Variants in SMAD4 observed in about 807,000 individuals in gnomAD.
SMAD4 encodes the protein MAD homolog 4.
A neutral mutation model predicts 63.2 loss-of-function variants in SMAD4; 7 were observed. That is an observed-to-expected ratio of 0.11 (90% CI 0.06 to 0.21). The LOEUF (loss-of-function observed/expected upper bound fraction) is 0.21, where lower values mean the gene tolerates loss of function less well. Among genes scored for constraint, SMAD4 ranks in the 10% least tolerant of loss-of-function variants. The pLI, the probability that SMAD4 is intolerant of heterozygous loss-of-function variation, is 1.00. For synonymous variants in SMAD4, 215 were observed against 235.4 expected (o/e 0.91, Z 0.79); for missense variants, 312 against 693.8 (o/e 0.45, Z 6.18).
At chr18:51,078,207 G>A (rs375313666) in intron 11 of SMAD4, 49 bp from the exon 12 acceptor site, 1 of 1,436,574 alleles carries the variant, frequency 7.0e-7, no homozygotes, top group Non-Finnish European at 9.8e-7. Flanking sequence ...AGGGAGGATG[G>A]GAAGAGATCA....
chr18:51,034,371 C>T (rs983509383), intron 1 of SMAD4, among the ~76,000 whole-genome samples: 4 of 152,072 alleles, frequency 2.6e-5, no homozygotes, highest in South Asian at 4.2e-4. Context: ...CTCAGCCTCC[C>T]GAGTAGCTGA....
chr18:51,075,010 C>T (rs1910436295), intron 10 of SMAD4, among the ~76,000 whole-genome samples: 1 of 152,132 alleles, frequency 6.6e-6, no homozygotes, highest in South Asian at 2.1e-4. Flanking sequence ...ATGCCCCTGT[C>T]ATTGCTTTCT....
intron 1 of SMAD4, among the ~76,000 whole-genome samples, chr18:51,042,316 C>T (rs12955078): frequency 2.6e-4 from 24 of 91,964 alleles, no homozygotes; most frequent in East Asian, 4.3e-4. Flanking sequence ...TCCCTCCCTC[C>T]CTCCCTCCCT....
chr18:51,046,900 T>C lies in SMAD4; in HGVS notation c.-127-20T>C. 1 of 639,008 alleles carries C rather than the reference T, an allele frequency of 1.6e-6. No individual in the cohort carries two copies. Among genetic ancestry groups the C allele is most frequent in the Non-Finnish European group, 2.6e-6 (1 of 378,042 alleles). The allele number at this position is 639,008 out of a possible 1,614,324, so 39.6% of individuals were successfully genotyped here. On this transcript the variant is annotated intron_variant, in intron 1 of 11. Coordinates refer to ENST00000342988, the MANE Select transcript of SMAD4 (RefSeq NM_005359.6). ...GTAAAATGTGTTCTGATGTGTGTCTTTTTTTTTTTTCTTTTTTAGGTTATC... is the reference window on the plus strand; with the variant it reads ...GTAAAATGTGTTCTGATGTGTGTCTCTTTTTTTTTTCTTTTTTAGGTTATC...
At chr18:51,071,138 A>G (rs996864400) in intron 10 of SMAD4, among the ~76,000 whole-genome samples, 2 of 152,122 alleles carry the variant, frequency 1.3e-5, no homozygotes, top group Non-Finnish European at 2.9e-5. Context: ...GGGTAGCAGT[A>G]ACTAAGGGAT....
rs202126703 is a variant in SMAD4 at position 51,048,730 on chromosome 18, C to G, written c.294C>G (p.Leu98=). The change falls in exon 3 of 12, where the codon CTC becomes CTG. Residue 98 remains leucine (L), a synonymous_variant. Coordinates refer to ENST00000342988, the MANE Select transcript of SMAD4 (RefSeq NM_005359.6). Reference sequence around the variant, plus strand: ...TTCCTCATGTGATCTATGCCCGTCTCTGGAGGTGGCCTGATCTTCACAAAA... The same window carrying G: ...TTCCTCATGTGATCTATGCCCGTCTGTGGAGGTGGCCTGATCTTCACAAAA... The part of the protein sequence containing the change: ...KGFPHVIYAR[L]WRWPDLHKNE... The G allele has an allele frequency of 6.2e-7, 1 of 1,614,048 alleles. No individual in the cohort carries two copies. The highest frequency in any genetic ancestry group is 1.1e-5 in the South Asian group (1 of 91,078).
At chr18:51,031,441 G>A (rs930959840) in intron 1 of SMAD4, among the ~76,000 whole-genome samples, 2 of 152,066 alleles carry the variant, frequency 1.3e-5, no homozygotes, top group African/African-American at 4.8e-5. Flanking sequence ...ACCTAAGTAC[G>A]TTTGTTTTTA....
At chr18:51,071,518 C>T (rs1368521229) in intron 10 of SMAD4, among the ~76,000 whole-genome samples, 1 of 152,130 alleles carries the variant, frequency 6.6e-6, no homozygotes, top group Non-Finnish European at 1.5e-5. Flanking sequence ...TTTGAATTCT[C>T]TTTAAGTGGC....
At chr18:51,048,117 T>C (rs1171068231) in intron 2 of SMAD4, among the ~76,000 whole-genome samples, 1 of 152,250 alleles carries the variant, frequency 6.6e-6, no homozygotes, top group African/African-American at 2.4e-5. Context: ...TTCAAGACTT[T>C]ACACATAGTT....
rs1203972910 is a variant in SMAD4 at position 51,065,404 on chromosome 18, T to C, written c.956-19T>C. The C allele has an allele frequency of 1.9e-6, 3 of 1,601,826 alleles. No homozygotes were observed. The highest frequency in any genetic ancestry group is 2.6e-6 in the Non-Finnish European group (3 of 1,169,822). ...ATCTTTCTCATGGGAGGATGTTCTT[T>C]CCCATTTATTTCCTATAGCTCCTGA... On this transcript the variant is annotated intron_variant, in intron 8 of 11. Transcript: ENST00000342988.
intron 1 of SMAD4, among the ~76,000 whole-genome samples, chr18:51,041,463 T>G (rs1177596015): frequency 6.6e-6 from 1 of 152,188 alleles, no homozygotes; most frequent in Non-Finnish European, 1.5e-5. Context: ...GCTGGATAAT[T>G]TATTTTGCGT....
intron 5 of SMAD4, 138 bp from the exon 6 acceptor site, chr18:51,057,987 T>G: frequency 1.0e-6 from 1 of 966,418 alleles, no homozygotes; most frequent in Non-Finnish European, 1.6e-6. Flanking sequence ...TTTTACCTGA[T>G]AGGCCATGGG....
intron 1 of SMAD4, among the ~76,000 whole-genome samples, chr18:51,046,657 A>G (rs987490612): frequency 1.3e-5 from 2 of 152,224 alleles, no homozygotes; most frequent in Admixed American, 1.3e-4. Context: ...GCATGCCACT[A>G]TCATAATGAG....
intron 7 of SMAD4, 47 bp from the exon 8 acceptor site, chr18:51,059,819 A>G (rs2144432817): frequency 6.9e-7 from 1 of 1,445,368 alleles, no homozygotes; most frequent in Non-Finnish European, 9.7e-7. Context: ...TTAGCATTAG[A>G]CAACTTTTAG....
At chr18:51,036,159 G>T (rs1311997364) in intron 1 of SMAD4, among the ~76,000 whole-genome samples, 2 of 151,908 alleles carry the variant, frequency 1.3e-5, no homozygotes. Flanking sequence ...AAACTGTTTT[G>T]TAGAAATGGG....
Position 51,065,476 on chromosome 18 carries a change from G to C in SMAD4, c.1009G>C (p.Glu337Gln), listed in dbSNP as rs1555686464. The C allele has an allele frequency of 6.2e-7, 1 of 1,614,080 alleles. No individual in the cohort carries two copies. Among genetic ancestry groups the C allele is most frequent in the African/African-American group, 1.3e-5 (1 of 75,046 alleles). The change falls in exon 9 of 12, where the codon GAG becomes CAG. Residue 337 changes from glutamate (E) to glutamine (Q), a missense_variant. By Grantham distance (29) the Glu-to-Gln change is conservative. This residue lies in a region of SMAD4 where 92 missense variants were observed against 305.9 expected (regional missense o/e 0.30). Transcript: ENST00000342988. ...CTTTGAAATGGATGTTCAGGTAGGAGAGACATTTAAGGTTCCTTCAAGCTG... is the reference window on the plus strand; with the variant it reads ...CTTTGAAATGGATGTTCAGGTAGGACAGACATTTAAGGTTCCTTCAAGCTG... ...AYFEMDVQVG[E>Q]TFKVPSSCPI...
intron 1 of SMAD4, among the ~76,000 whole-genome samples, chr18:51,035,347 G>A (rs1909173360): frequency 6.6e-6 from 1 of 151,806 alleles, no homozygotes; most frequent in Admixed American, 6.6e-5. Flanking sequence ...TACTCCTTTT[G>A]GAGACTAATT....
intron 1 of SMAD4, among the ~76,000 whole-genome samples, chr18:51,043,028 A>G (rs1599178129): frequency 6.6e-6 from 1 of 152,228 alleles, no homozygotes; most frequent in East Asian, 1.9e-4. Context: ...ATTCTAACTT[A>G]GTTGGCATGC....
intron 8 of SMAD4, among the ~76,000 whole-genome samples, chr18:51,064,958 TTCCCTGGAATACA>T (rs1316462916): frequency 6.6e-6 from 1 of 152,216 alleles, no homozygotes; most frequent in Non-Finnish European, 1.5e-5. Flanking sequence ...TCAAGGACAG[TTCCCTGGAATACA>T]TCTTAGGGTC....
Sources: allele counts gnomAD v4.1 joint callset (sites outside exome capture counted in the v4.1 genomes callset), GRCh38; gene constraint gnomAD v4.1.1; regional missense constraint gnomAD v4.1.1; transcripts MANE v1.5; gene names NCBI Gene and HGNC (gene_info 2026-07-23, HGNC 2026-07-21).